CNNM2: variants seen among roughly 807,000 people sequenced by gnomAD.
The protein encoded by CNNM2 is cyclin and CBS domain divalent metal cation transport mediator 2.
A neutral mutation model predicts 66.9 loss-of-function variants in CNNM2; 12 were observed. That is an observed-to-expected ratio of 0.18 (90% CI 0.11 to 0.29). The LOEUF (loss-of-function observed/expected upper bound fraction) is 0.29. CNNM2 is among the 10% of genes least tolerant of loss of function. CNNM2 has a pLI of 1.00. For missense variants in CNNM2, 705 were observed against 1,167.7 expected (o/e 0.60, Z 5.77); for synonymous variants, 557 against 501.8 (o/e 1.11, Z -1.47).
intron 1 of CNNM2, among the ~76,000 whole-genome samples, chr10:103,023,524 G>A (rs2064635903): frequency 6.6e-6 from 1 of 152,080 alleles, no homozygotes; most frequent in South Asian, 2.1e-4. Flanking sequence ...CTCCAGCCTG[G>A]GCGACAAGAG....
At chr10:102,977,933 A>G (rs1287004031) in intron 1 of CNNM2, among the ~76,000 whole-genome samples, 2 of 149,442 alleles carry the variant, frequency 1.3e-5, no homozygotes, top group Non-Finnish European at 3.0e-5. Flanking sequence ...TCGTCGAGAC[A>G]GAGTCTTGCT....
chr10:102,940,198 C>A (rs1353993230), intron 1 of CNNM2, among the ~76,000 whole-genome samples: 1 of 152,110 alleles, frequency 6.6e-6, no homozygotes, highest in Non-Finnish European at 1.5e-5. Flanking sequence ...AAGTGATCTG[C>A]CTGCCTTGGC....
At chr10:103,048,752 C>A (rs1003852457) in intron 1 of CNNM2, among the ~76,000 whole-genome samples, 16 of 152,192 alleles carry the variant, frequency 1.1e-4, no homozygotes, top group African/African-American at 3.9e-4. Context: ...TGCCATACTT[C>A]AGAATTCAAC....
intron 1 of CNNM2, among the ~76,000 whole-genome samples, chr10:103,003,769 T>C (rs2064169947): frequency 6.6e-6 from 1 of 151,446 alleles, no homozygotes; most frequent in Admixed American, 6.6e-5. Context: ...CGAGACTCTA[T>C]CTTTTTTTTA....
At chr10:102,929,320 C>T (rs1845986638) in intron 1 of CNNM2, among the ~76,000 whole-genome samples, 1 of 151,906 alleles carries the variant, frequency 6.6e-6, no homozygotes, top group Admixed American at 6.6e-5. Flanking sequence ...AATCCCAGCA[C>T]TTTAGGAAGC....
In CNNM2 at chr10:102,918,816, C is replaced by T. The variant is rs1205111885; in HGVS notation, c.336C>T (p.Asn112=). 1.3e-6 allele frequency: 2 copies of T among 1,597,300 alleles called. No homozygotes were observed. Among genetic ancestry groups the T allele is most frequent in the Non-Finnish European group, 1.7e-6 (2 of 1,172,420 alleles). Reference sequence around the variant, plus strand: ...GGGTGTACGGGCAGAACATCAATAACGAGACGTGGTCCCGCATCGCCTTCA... The same window carrying T: ...GGGTGTACGGGCAGAACATCAATAATGAGACGTGGTCCCGCATCGCCTTCA... ...KLRVYGQNIN[N]ETWSRIAFTE... is the part of the protein sequence containing the mutation. Residue 112 remains asparagine, a synonymous_variant, in exon 1 of 8, where the codon AAC becomes AAT. Transcript: ENST00000369878. The surrounding 1 kb of genome is among the most constrained non-coding windows in gnomAD (Gnocchi z 4.1).
intron 4 of CNNM2, among the ~76,000 whole-genome samples, chr10:103,066,929 A>G (rs2065488341): frequency 6.6e-6 from 1 of 152,090 alleles, no homozygotes; most frequent in South Asian, 2.1e-4. Flanking sequence ...GTGGAGTTGT[A>G]AGTTTATACG....
chr10:102,928,518 G>T (rs1564808950), intron 1 of CNNM2, among the ~76,000 whole-genome samples: 1 of 151,586 alleles, frequency 6.6e-6, no homozygotes, highest in Non-Finnish European at 1.5e-5. Context: ...TGAGGTGGAG[G>T]TTGCAGTGAG....
chr10:102,978,498 C>T (rs1321824040), intron 1 of CNNM2, among the ~76,000 whole-genome samples: 1 of 152,126 alleles, frequency 6.6e-6, no homozygotes, highest in Non-Finnish European at 1.5e-5. Flanking sequence ...CCATCTCTAC[C>T]TCTACCACCC....
chr10:103,075,251 A>G (rs1323034667), intron 6 of CNNM2, among the ~76,000 whole-genome samples: 3 of 152,214 alleles, frequency 2.0e-5, no homozygotes, highest in African/African-American at 7.2e-5. Context: ...ATGCAATTCA[A>G]GACCTGGCCA....
At chr10:102,928,683 A>G (rs1329727949) in intron 1 of CNNM2, among the ~76,000 whole-genome samples, 1 of 152,036 alleles carries the variant, frequency 6.6e-6, no homozygotes, top group Non-Finnish European at 1.5e-5. Context: ...TTCATATGGC[A>G]TCCTCACATA....
intron 1 of CNNM2, among the ~76,000 whole-genome samples, chr10:103,032,838 C>T (rs2064854951): frequency 6.6e-6 from 1 of 151,694 alleles, no homozygotes; most frequent in Admixed American, 6.6e-5. Flanking sequence ...AAAAACTTAG[C>T]TGAGTGTGGT....
At position 103,069,760 on chromosome 10, in the gene CNNM2, C is replaced by T. The variant is rs751757111; in HGVS notation, c.2167+1038C>T. On this transcript the variant is annotated intron_variant, in intron 5 of 7. Coordinates refer to ENST00000369878, the MANE Select transcript of CNNM2 (RefSeq NM_017649.5). ...CTTGCTATTAATACCTGAGGCAGCCCGAACAGGTCGGGCAGGTCGACAGAG... is the reference window on the plus strand; with the variant it reads ...CTTGCTATTAATACCTGAGGCAGCCTGAACAGGTCGGGCAGGTCGACAGAG... Among the ~76,000 whole-genome samples the T allele has an allele frequency of 6.6e-6, 1 of 152,166 alleles. No homozygotes were observed. The highest frequency in any genetic ancestry group is 1.5e-5 in the Non-Finnish European group (1 of 68,026).
intron 1 of CNNM2, among the ~76,000 whole-genome samples, chr10:102,941,797 T>C (rs1399844334): frequency 1.3e-5 from 2 of 152,216 alleles, no homozygotes; most frequent in Admixed American, 1.3e-4. Flanking sequence ...TCTTTTTTTT[T>C]CACCTGCCTC....
chr10:102,960,822 C>T (rs769774759), intron 1 of CNNM2, among the ~76,000 whole-genome samples: 6 of 141,210 alleles, frequency 4.2e-5, no homozygotes, highest in Middle Eastern at 4.0e-3. Context: ...AGTCCTGCTC[C>T]GTCGCCCAGG....
At chr10:102,938,379 G>A (rs369808918) in intron 1 of CNNM2, among the ~76,000 whole-genome samples, 4 of 151,556 alleles carry the variant, frequency 2.6e-5, no homozygotes, top group Non-Finnish European at 4.4e-5. Flanking sequence ...AGGAGGCGGC[G>A]CTTGCAGTGA....
chr10:102,980,111 TCGCCATGTTGGCAGGCTGGTCTCAGA>T (rs1421298923), intron 1 of CNNM2, among the ~76,000 whole-genome samples: 2 of 152,182 alleles, frequency 1.3e-5, no homozygotes, highest in South Asian at 4.1e-4. Flanking sequence ...GACAAGTGTT[TCGCCATGTTGGCAGGCTGGTCTCAGA>T]CGCCATGTTG....
In CNNM2 at chr10:103,049,697, G is replaced by A; in HGVS notation, c.1622-10G>A. On this transcript the variant is annotated splice_polypyrimidine_tract_variant and intron_variant, in intron 1 of 7. Coordinates refer to ENST00000369878, the MANE Select transcript of CNNM2 (RefSeq NM_017649.5). ...AAAGTCACTTCCTAAACTTTTTCTT[G>A]TCTCTAAAGGTAAATCTCACCTGGC... 1.2e-6 allele frequency: 2 copies of A among 1,603,058 alleles called. No homozygotes were observed.
intron 1 of CNNM2, among the ~76,000 whole-genome samples, chr10:102,952,249 T>A (rs1231902673): frequency 1.3e-5 from 2 of 151,994 alleles, no homozygotes; most frequent in Non-Finnish European, 2.9e-5. Context: ...CAGAAACTGA[T>A]TTTAATAATA....
Sources: gnomAD v4.1 joint callset for allele counts (sites outside exome capture counted in the v4.1 genomes callset) on GRCh38, gnomAD v4.1.1 for gene constraint, Gnocchi (gnomAD v3.1) non-coding constraint, MANE v1.5 for transcripts, NCBI Gene and HGNC (gene_info 2026-07-23, HGNC 2026-07-21) for gene names.